The following EIF3L variants were observed in gnomAD, a reference collection of about 807,000 sequenced individuals.
The protein encoded by EIF3L is eIEF associated protein HSPC021.
Under a neutral mutation model 74.6 loss-of-function variants are expected in EIF3L, and 32 were observed. The observed-to-expected ratio is 0.43, with a 90% CI of 0.32 to 0.58. The LOEUF (loss-of-function observed/expected upper bound fraction) is 0.58. EIF3L is among the 20% of genes least tolerant of loss of function. EIF3L has a pLI of 0.06. For synonymous variants in EIF3L, 256 were observed against 254.4 expected (o/e 1.01, Z -0.06); for missense variants, 474 against 707.8 (o/e 0.67, Z 3.75).
chr22:37,849,943 T>C, intron 1 of EIF3L, 72 bp from the exon 2 acceptor site: 1 of 1,553,286 alleles, frequency 6.4e-7, no homozygotes, highest in Non-Finnish European at 8.9e-7. Flanking sequence ...CTGCTTGGCA[T>C]CTAGACTCTA....
At chr22:37,872,863 T>C (rs941508920) in intron 8 of EIF3L, among the ~76,000 whole-genome samples, 2 of 152,146 alleles carry the variant, frequency 1.3e-5, no homozygotes, top group Non-Finnish European at 2.9e-5. Context: ...TGGGATTTCA[T>C]GTGTGAGCCA....
chr22:37,860,440 T>A (rs1366009277), intron 5 of EIF3L, among the ~76,000 whole-genome samples: 2 of 152,194 alleles, frequency 1.3e-5, no homozygotes, highest in African/African-American at 4.8e-5. Context: ...CTCCAACCTC[T>A]GTCTCCTGGG....
intron 11 of EIF3L, chr22:37,884,168 T>C (rs893887295): frequency 2.6e-5 from 4 of 152,214 alleles, no homozygotes; most frequent in Non-Finnish European, 4.4e-5. Flanking sequence ...ATATATGGAC[T>C]TTTGTGTTTG....
chr22:37,856,844 CA>C (rs934266268), intron 4 of EIF3L, among the ~76,000 whole-genome samples: 1,644 of 110,708 alleles, frequency 0.015, 30 homozygotes, highest in African/African-American at 0.047. Context: ...AACTCCGCCT[CA>C]AAAAAAAAAA....
intron 7 of EIF3L, among the ~76,000 whole-genome samples, chr22:37,868,110 A>ATTTTTTTTT (rs545183532): frequency 2.4e-4 from 22 of 92,670 alleles, no homozygotes; most frequent in African/African-American, 9.9e-4. Context: ...TCTTTGTAGG[A>ATTTTTTTTT]TTTTTTTTTT....
intron 5 of EIF3L, among the ~76,000 whole-genome samples, chr22:37,859,374 CTTTTT>C (rs34020382): frequency 1.0e-4 from 8 of 79,142 alleles, no homozygotes; most frequent in Admixed American, 1.7e-4. Context: ...CGTGAAGTTT[CTTTTT>C]TTTTTTTTTT....
chr22:37,855,493 C>T, intron 3 of EIF3L, 72 bp from the exon 4 acceptor site: 1 of 1,395,958 alleles, frequency 7.2e-7, no homozygotes, highest in Non-Finnish European at 1.0e-6. Flanking sequence ...CCTGGGTCCT[C>T]ATCTGTAAAA....
intron 7 of EIF3L, among the ~76,000 whole-genome samples, chr22:37,865,720 C>G (rs1188009511): frequency 6.6e-6 from 1 of 152,210 alleles, no homozygotes; most frequent in East Asian, 1.9e-4. Context: ...CCTTTCATAG[C>G]AAAGGCCACA....
chr22:37,849,564 G>A, intron 1 of EIF3L, 82 bp downstream of exon 1: 1 of 1,475,826 alleles, frequency 6.8e-7, no homozygotes, highest in Non-Finnish European at 9.1e-7. Flanking sequence ...GCGCGAGGCA[G>A]CTTCCGGGTC....
chr22:37,849,847 G>A, intron 1 of EIF3L, 168 bp from the exon 2 acceptor site: 1 of 710,210 alleles, frequency 1.4e-6, no homozygotes, highest in East Asian at 2.5e-5. Flanking sequence ...TATTGTCATT[G>A]TCTGTTTACT....
At chr22:37,864,536 C>T (rs965930627) in intron 7 of EIF3L, among the ~76,000 whole-genome samples, 6 of 119,252 alleles carry the variant, frequency 5.0e-5, no homozygotes, top group Non-Finnish European at 8.2e-5. Flanking sequence ...TTGCTGTTTA[C>T]TGGCTTTTTT....
chr22:37,884,901 CTTTTTTTTTTTT>C (rs10605799), intron 11 of EIF3L: 3 of 36,062 alleles, frequency 8.3e-5, no homozygotes, highest in East Asian at 1.2e-3. Flanking sequence ...CATGTCAAGC[CTTTTTTTTTTTT>C]TTTTTTTTTT....
At chr22:37,854,548 A>G (rs1218057640) in intron 3 of EIF3L, among the ~76,000 whole-genome samples, 1 of 151,780 alleles carries the variant, frequency 6.6e-6, no homozygotes, top group Non-Finnish European at 1.5e-5. Flanking sequence ...GCTCATCGCA[A>G]CCTCCGCCTC....
chr22:37,864,229 A>G (rs1475376916), intron 7 of EIF3L, among the ~76,000 whole-genome samples: 2 of 152,112 alleles, frequency 1.3e-5, no homozygotes, highest in Non-Finnish European at 2.9e-5. Flanking sequence ...GGATATTTAT[A>G]TTACTGTAGA....
Position 37,876,009 on chromosome 22 carries a change from A to G in EIF3L, c.1075A>G (p.Met359Val), listed in dbSNP as rs765769337. ...MFQRTTYKYE[M>V]INKQNEQMHA... ...CCAGAGGACCACGTACAAGTATGAG[A>G]TGGTAAGGGGGACTCTGCCTGCCAC... The change falls in exon 10 of 13, where the codon ATG (methionine) becomes GTG (valine). Residue 359 changes from methionine to valine, a missense_variant and splice_region_variant. By Grantham distance (21) the Met-to-Val change is conservative (BLOSUM62 1). Coordinates refer to ENST00000652021, the MANE Select transcript of EIF3L (RefSeq NM_016091.4). 6.2e-7 allele frequency: 1 copy of G among 1,612,602 alleles called. No individual in the cohort carries two copies. Among genetic ancestry groups the G allele is most frequent in the South Asian group, 1.1e-5 (1 of 91,030 alleles).
rs767501453 is a variant in EIF3L, at chr22:37,886,760, C to T, written c.1576-5C>T. 1.2e-6 allele frequency: 2 copies of T among 1,606,954 alleles called. No homozygotes were observed. The highest frequency in any genetic ancestry group is 1.1e-5 in the South Asian group (1 of 90,922). ...GCTCTTCCCTGACTGTGCTTTCCCCCACAGGACATGATCCACATCGCGGAC... is the reference window on the plus strand; with the variant it reads ...GCTCTTCCCTGACTGTGCTTTCCCCTACAGGACATGATCCACATCGCGGAC... On this transcript the variant is annotated splice_region_variant and splice_polypyrimidine_tract_variant and intron_variant, in intron 11 of 12. Coordinates refer to ENST00000652021, the MANE Select transcript of EIF3L (RefSeq NM_016091.4).
At position 37,888,780 on chromosome 22, in the gene EIF3L, TC is replaced by T. The variant is rs1927449474; in HGVS notation, c.*317del. On this transcript the variant is annotated 3_prime_UTR_variant, in exon 13 of 13. Transcript: ENST00000652021. ...GCTTTTGAGATGGAGTCTCACTCTGTCTCCCAGGCTGGAGTGCAGTAGCGTG... is the reference window on the plus strand; with the variant it reads ...GCTTTTGAGATGGAGTCTCACTCTGTTCCCAGGCTGGAGTGCAGTAGCGTG... 6.4e-6 allele frequency: 2 copies of T among 313,368 alleles called. No homozygotes were observed. The highest frequency in any genetic ancestry group is 8.3e-5 in the South Asian group (2 of 24,034). The allele number at this position is 313,368 out of a possible 1,614,324, so 19.4% of individuals were successfully genotyped here. A position where few individuals can be genotyped will look rare whatever the true frequency, so the allele number is the denominator to read the frequency against.
rs1358265000 is a variant in EIF3L at position 37,888,354 on chromosome 22, G to A, written c.1657-72G>A. ...GAGGGGCAGCTGGGAATCTGACCTA[G>A]TGATCATACACACTGTAGGAAAGGG... is the stretch of plus-strand genomic sequence containing the variant. On this transcript the variant is annotated intron_variant, in intron 12 of 12. Coordinates refer to ENST00000652021, the MANE Select transcript of EIF3L (RefSeq NM_016091.4). 3 of 1,527,668 alleles carry A rather than the reference G, an allele frequency of 2.0e-6. No individual in the cohort carries two copies. The African/African-American group carries it at 4.1e-5, about 21-fold the overall frequency. 94.6% of individuals were successfully genotyped at this position (1,527,668 alleles called of 1,614,324 possible). A position where few individuals can be genotyped will look rare whatever the true frequency, so the allele number is the denominator to read the frequency against.
At chr22:37,884,464 G>T (rs1475773435) in intron 11 of EIF3L, 1 of 151,918 alleles carries the variant, frequency 6.6e-6, no homozygotes, top group Non-Finnish European at 1.5e-5. Context: ...GGTCAGTTTG[G>T]GTAGTTTGTT....
Sources: allele counts gnomAD v4.1 joint callset (sites outside exome capture counted in the v4.1 genomes callset), GRCh38; gene constraint gnomAD v4.1.1; transcripts MANE v1.5; gene names NCBI Gene and HGNC (gene_info 2026-07-23, HGNC 2026-07-21).